POSTN: variants seen among roughly 807,000 people sequenced by gnomAD.
POSTN encodes the protein osteoblast specific factor 2 (fasciclin I-like).
A neutral mutation model predicts 104.5 loss-of-function variants in POSTN; 71 were observed. The ratio of observed to expected loss-of-function variants is 0.68; its 90% CI spans 0.56 to 0.83. The LOEUF (loss-of-function observed/expected upper bound fraction) is 0.83, where lower values mean the gene tolerates loss of function less well. POSTN is among the 40% of genes least tolerant of loss of function. The pLI is 0.00. For synonymous variants in POSTN, 355 were observed against 340.7 expected (o/e 1.04, Z -0.46); for missense variants, 949 against 1,006.8 (o/e 0.94, Z 0.78).
rs141035368 is a variant in POSTN at position 37,567,604 on chromosome 13, A to AT, written c.2431+1695dup. 2.6e-3 allele frequency among the ~76,000 whole-genome samples: 391 copies of AT among 152,072 alleles called. 4 individuals are homozygous for AT. The East Asian group carries it at 0.044, about 17-fold the overall frequency. On this transcript the variant is annotated intron_variant, in intron 21 of 22. Transcript: ENST00000379747. ...AGAAATGATTTGATAAAAACTTTTA[A>AT]TTTTTTTTGTTTTTTCACAATGCTA...
At chr13:37,586,971 C>A (rs768075912) in intron 5 of POSTN, 43 bp from the exon 6 acceptor site, 2 of 1,588,760 alleles carry the variant, frequency 1.3e-6, no homozygotes, top group African/African-American at 2.7e-5. Context: ...ACCAGAGATA[C>A]CCATTGACCA....
chr13:37,567,447 G>T (rs1950146910), intron 21 of POSTN, among the ~76,000 whole-genome samples: 1 of 151,752 alleles, frequency 6.6e-6, no homozygotes, highest in African/African-American at 2.4e-5. Context: ...CTAGACAAGG[G>T]GATACTTGTG....
At chr13:37,580,036 G>A in intron 11 of POSTN, 45 bp from the exon 12 acceptor site, 2 of 1,574,290 alleles carry the variant, frequency 1.3e-6, no homozygotes, top group Non-Finnish European at 1.7e-6. Flanking sequence ...TTTAGATTTA[G>A]GTATGTTCAC....
At chr13:37,590,309 T>C (rs1373988171) in intron 4 of POSTN, 63 bp downstream of exon 4, 2 of 1,298,438 alleles carry the variant, frequency 1.5e-6, no homozygotes, top group Admixed American at 2.6e-5. Context: ...AGTTAATAAG[T>C]CAGTTAAAAT....
At chr13:37,569,231 C>T (rs935758018) in intron 21 of POSTN, 69 bp downstream of exon 21, 21 of 1,104,904 alleles carry the variant, frequency 1.9e-5, no homozygotes, top group Non-Finnish European at 2.8e-5. Context: ...TCTGCTTGCT[C>T]AGTCTTTAAA....
chr13:37,580,690 C>A lies in POSTN; in HGVS notation c.1400G>T (p.Cys467Phe), dbSNP rs757808246. 2.5e-6 allele frequency: 4 copies of A among 1,613,924 alleles called. No individual in the cohort carries two copies. The African/African-American group carries it at 5.3e-5, about 22-fold the overall frequency. The change falls in exon 11 of 23, where the codon TGC becomes TTC. Residue 467 changes from cysteine to phenylalanine, a missense_variant. Cys to Phe is a radical substitution (Grantham distance 205). Transcript: ENST00000379747. ...TTTCTCCATGCATGAATTTTCAATG[C>A]AGACAGCCTAGGAAAGGAAAGAAAG... ...LRVFVYRTAV[C>F]IENSCMEKGS... is the part of the protein sequence containing the mutation.
chr13:37,582,575 C>T (rs144470855), intron 9 of POSTN, 61 bp from the exon 10 acceptor site: 124 of 1,414,476 alleles, frequency 8.8e-5, no homozygotes, highest in Middle Eastern at 1.9e-4. Flanking sequence ...AAGTTTCTCC[C>T]GGTAAGACAG....
chr13:37,587,756 T>G, intron 5 of POSTN, 66 bp downstream of exon 5: 1 of 1,251,834 alleles, frequency 8.0e-7, no homozygotes, highest in Non-Finnish European at 1.1e-6. Flanking sequence ...GAGCATTATA[T>G]AAAAAGTATA....
At position 37,584,753 on chromosome 13, in the gene POSTN, C is replaced by T. The variant is rs767148041; in HGVS notation, c.1071G>A (p.Val357=). ...TTAGGACCTGATCAATCAAATGGATCACACCATTATTTGTCACAATATCCT... is the reference window on the plus strand; with the variant it reads ...TTAGGACCTGATCAATCAAATGGATTACACCATTATTTGTCACAATATCCT... The part of the protein sequence containing the change: ...NKKDIVTNNG[V]IHLIDQVLIP... The change falls in exon 8 of 23, where the codon GTG becomes GTA. Residue 357 remains valine, a synonymous_variant. Transcript: ENST00000379747. 1 of 1,613,856 alleles carries T rather than the reference C, an allele frequency of 6.2e-7. No homozygotes were observed. Among genetic ancestry groups the T allele is most frequent in the Non-Finnish European group, 8.5e-7 (1 of 1,179,870 alleles).
chr13:37,596,680 T>A (rs1385202635), intron 2 of POSTN, among the ~76,000 whole-genome samples: 4 of 152,198 alleles, frequency 2.6e-5, no homozygotes, highest in African/African-American at 9.6e-5. Context: ...AAGTATTTTT[T>A]AACTTTAAAC....
At chr13:37,573,777 A>G (rs552837730) in intron 17 of POSTN, among the ~76,000 whole-genome samples, 1 of 151,706 alleles carries the variant, frequency 6.6e-6, no homozygotes, top group Non-Finnish European at 1.5e-5. Flanking sequence ...GAAATCTTAA[A>G]AAATTTAAAT....
intron 16 of POSTN, among the ~76,000 whole-genome samples, chr13:37,576,739 A>G (rs986710773): frequency 6.6e-6 from 1 of 152,144 alleles, no homozygotes; most frequent in Non-Finnish European, 1.5e-5. Flanking sequence ...ATGGTGAATC[A>G]TAACTATTCC....
intron 16 of POSTN, among the ~76,000 whole-genome samples, chr13:37,576,714 C>T (rs1300260292): frequency 6.6e-6 from 1 of 152,000 alleles, no homozygotes; most frequent in Non-Finnish European, 1.5e-5. Flanking sequence ...ATATTTTTTA[C>T]AAGATTGTAT....
At chr13:37,598,208 A>G (rs1951140516) in intron 1 of POSTN, among the ~76,000 whole-genome samples, 1 of 152,154 alleles carries the variant, frequency 6.6e-6, no homozygotes, top group South Asian at 2.1e-4. Flanking sequence ...CTCTAACATC[A>G]TGTGAGATAT....
chr13:37,586,172 C>G lies in POSTN; in HGVS notation c.862G>C (p.Glu288Gln), dbSNP rs1158707227. 1 of 1,613,768 alleles carries G rather than the reference C, an allele frequency of 6.2e-7. No individual in the cohort carries two copies. Among genetic ancestry groups the G allele is most frequent in the Non-Finnish European group, 8.5e-7 (1 of 1,179,760 alleles). The change falls in exon 7 of 23, where the codon GAA becomes CAA. Residue 288 changes from glutamate (E) to glutamine (Q), a missense_variant. Coordinates refer to ENST00000379747, the MANE Select transcript of POSTN (RefSeq NM_006475.3). The part of the protein sequence containing the change: ...AFEKLPRGVL[E>Q]RIMGDKVASE... ...GCCACTTTGTCTCCCATGATCCTTT[C>G]TAGGACACCTCGTGGAAGTTTCTCA...
Position 37,590,431 on chromosome 13 carries a change from C to T in POSTN, c.382G>A (p.Gly128Arg). ...DASKLREEIE[G>R]KGSFTYFAPS... ...GCAAAGTAAGTGAAGGATCCCTTTC[C>T]CTCGATCTCCTCCCTCAGTTTTGAG... is the stretch of plus-strand genomic sequence containing the variant. The change falls in exon 4 of 23, where the codon GGA (glycine) becomes AGA (arginine). Residue 128 changes from glycine (G) to arginine (R), a missense_variant. Coordinates refer to ENST00000379747, the MANE Select transcript of POSTN (RefSeq NM_006475.3). The T allele has an allele frequency of 6.2e-7, 1 of 1,612,022 alleles. No individual in the cohort carries two copies. Among genetic ancestry groups the T allele is most frequent in the East Asian group, 2.2e-5 (1 of 44,826 alleles).
chr13:37,574,157 G>A (rs930037902), intron 17 of POSTN, among the ~76,000 whole-genome samples: 5 of 151,182 alleles, frequency 3.3e-5, no homozygotes, highest in African/African-American at 4.8e-5. Flanking sequence ...AATGAAAAAT[G>A]CCTATACTTT....
chr13:37,573,375 C>T (rs762737468), intron 17 of POSTN, among the ~76,000 whole-genome samples: 1 of 149,542 alleles, frequency 6.7e-6, no homozygotes, highest in South Asian at 2.1e-4. Context: ...TATAGAAAGT[C>T]GATTAAATAA....
intron 20 of POSTN, 176 bp downstream of exon 20, chr13:37,569,568 G>T (rs1483327956): frequency 2.5e-6 from 2 of 800,158 alleles, no homozygotes; most frequent in African/African-American, 1.7e-5. Flanking sequence ...ACAAAATACT[G>T]TATAAAAAAT....
Sources: allele counts gnomAD v4.1 joint callset (sites outside exome capture counted in the v4.1 genomes callset), GRCh38; gene constraint gnomAD v4.1.1; transcripts MANE v1.5; gene names NCBI Gene and HGNC (gene_info 2026-07-23, HGNC 2026-07-21).